The following SMARCD1 variants were observed in gnomAD, a reference collection of about 807,000 sequenced individuals.
SMARCD1 encodes SWI/SNF-related matrix-associated actin-dependent regulator of chromatin subfamily D member 1.
SMARCD1 carries 16 observed loss-of-function variants against 70.8 expected under a neutral mutation model. The observed-to-expected ratio is 0.23, with a 90% confidence interval of 0.15 to 0.34. The LOEUF is 0.34. SMARCD1 is among the 10% of genes least tolerant of loss of function. The probability of loss-of-function intolerance (pLI) is 1.00; values close to 1 mark genes in which losing one functional copy is unlikely to be tolerated. For missense variants in SMARCD1, 409 were observed against 655.5 expected (o/e 0.62, Z 4.11); for synonymous variants, 249 against 246.0 (o/e 1.01, Z -0.11).
rs570526816 is a variant in SMARCD1 at position 50,085,661 on chromosome 12, C to T, written c.177+115C>T. 43 of 78,636 alleles carry T rather than the reference C, an allele frequency of 5.5e-4. No individual in the cohort carries two copies. In the East Asian group the frequency reaches 0.012, roughly 21 times the overall value. 4.9% of individuals were successfully genotyped at this position (78,636 alleles called of 1,614,324 possible). A position where few individuals can be genotyped will look rare whatever the true frequency, so the allele number is the denominator to read the frequency against. On this transcript the variant is annotated intron_variant, in intron 1 of 12. Transcript: ENST00000394963. ...GACTCCCTTGGGAGGGGTTCGGGCT[C>T]TGGGTGGGGGTTGGGGGAGGCAGTG...
Position 50,099,189 on chromosome 12 carries a change from AC to A in SMARCD1, c.*194del. 1.6e-6 allele frequency: 1 copy of A among 625,164 alleles called. No individual in the cohort carries two copies. Among genetic ancestry groups the A allele is most frequent in the Non-Finnish European group, 2.8e-6 (1 of 351,586 alleles). The allele number at this position is 625,164 out of a possible 1,614,324, so 38.7% of individuals were successfully genotyped here. ...CTCTTCTTTCACCCTATCTCTTCCCACCCCCAGCTTCCCTTTGCCCCACAAA... is the reference window on the plus strand; with the variant it reads ...CTCTTCTTTCACCCTATCTCTTCCCACCCCAGCTTCCCTTTGCCCCACAAA... On this transcript the variant is annotated 3_prime_UTR_variant, in exon 13 of 13. Coordinates refer to ENST00000394963, the MANE Select transcript of SMARCD1 (RefSeq NM_003076.5).
At position 50,089,968 on chromosome 12, in the gene SMARCD1, C is replaced by T; in HGVS notation, c.856C>T (p.Leu286=). Residue 286 remains leucine, a synonymous_variant, in exon 7 of 13, where the codon CTG becomes TTG. Coordinates refer to ENST00000394963, the MANE Select transcript of SMARCD1 (RefSeq NM_003076.5). ...CGTGAATGTACGGTGTACTGTCCTA[C>T]TGATGCTGGATTACCAGGTATTCTG... ...GDVNVRCTVL[L]MLDYQPPQFK... 6.2e-7 allele frequency: 1 copy of T among 1,613,896 alleles called. No homozygotes were observed. The highest frequency in any genetic ancestry group is 1.1e-5 in the South Asian group (1 of 91,074).
chr12:50,097,193 CA>C (rs1950899919), intron 11 of SMARCD1, among the ~76,000 whole-genome samples: 1 of 152,238 alleles, frequency 6.6e-6, no homozygotes, highest in Non-Finnish European at 1.5e-5. Context: ...TTCATCTTGT[CA>C]GGGATACAGA....
At chr12:50,093,548 A>G (rs1386188172) in intron 9 of SMARCD1, among the ~76,000 whole-genome samples, 2 of 152,100 alleles carry the variant, frequency 1.3e-5, no homozygotes. Context: ...CAGTGGTGTA[A>G]TCATGGCTCA....
At chr12:50,085,829 C>T (rs1191522872) in intron 1 of SMARCD1, 3 of 392,374 alleles carry the variant, frequency 7.6e-6, no homozygotes, top group Non-Finnish European at 1.3e-5. Flanking sequence ...TGAGCAGCTC[C>T]AGTGATCAGA....
At position 50,086,290 on chromosome 12, in the gene SMARCD1, C is replaced by T; in HGVS notation, c.307C>T (p.Pro103Ser). 6.2e-7 allele frequency: 1 copy of T among 1,613,516 alleles called. No homozygotes were observed. The highest frequency in any genetic ancestry group is 8.5e-7 in the Non-Finnish European group (1 of 1,179,622). ...AGGGATGGATCAGTCCCGCAAGAGA[C>T]CTGCCCCTCAGCAGATCCAGCAGGT... ...QSGMDQSRKR[P>S]APQQIQQVQQ... Residue 103 changes from proline (P) to serine (S), a missense_variant, in exon 2 of 13, where the codon CCT becomes TCT. By Grantham distance (74) the Pro-to-Ser change is moderately conservative (BLOSUM62 -1). Coordinates refer to ENST00000394963, the MANE Select transcript of SMARCD1 (RefSeq NM_003076.5).
chr12:50,098,847 C>G, intron 12 of SMARCD1, 32 bp downstream of exon 12: 2 of 1,607,860 alleles, frequency 1.2e-6, no homozygotes, highest in Non-Finnish European at 1.7e-6. Flanking sequence ...GGGAAATTGA[C>G]AAAAGGCACG....
chr12:50,086,724 C>G (rs750857971), intron 3 of SMARCD1, 32 bp from the exon 4 acceptor site: 5 of 1,613,900 alleles, frequency 3.1e-6, no homozygotes, highest in East Asian at 2.2e-5. Context: ...AGATGATCAT[C>G]CTAGATTTCA....
chr12:50,085,400 G>A lies in SMARCD1; in HGVS notation c.31G>A (p.Ala11Thr), dbSNP rs777484259. 2 of 1,258,990 alleles carry A rather than the reference G, an allele frequency of 1.6e-6. No homozygotes were observed. The highest frequency in any genetic ancestry group is 7.2e-5 in the Admixed American group (2 of 27,884). The allele number at this position is 1,258,990 out of a possible 1,614,324, so 78.0% of individuals were successfully genotyped here. Reference protein sequence around the residue: MAARAGFQSVAPSGGAGASGG... With the variant: MAARAGFQSVTPSGGAGASGG... ...GGCCCGGGCGGGTTTCCAGTCTGTGGCTCCAAGCGGCGGCGCCGGAGCCTC... is the reference window on the plus strand; with the variant it reads ...GGCCCGGGCGGGTTTCCAGTCTGTGACTCCAAGCGGCGGCGCCGGAGCCTC... The change falls in exon 1 of 13, where the codon GCT (alanine) becomes ACT (threonine). Residue 11 changes from alanine to threonine, a missense_variant. Ala to Thr is a moderately conservative substitution (Grantham distance 58). This residue lies in a region of SMARCD1 where 140 missense variants were observed against 156.9 expected (regional missense o/e 0.89). Transcript: ENST00000394963.
At position 50,099,503 on chromosome 12, in the gene SMARCD1, C is replaced by G. The variant is rs1363534296; in HGVS notation, c.*503C>G. 1.2e-5 allele frequency: 5 copies of G among 403,308 alleles called. No homozygotes were observed. The highest frequency in any genetic ancestry group is 2.2e-5 in the Non-Finnish European group (5 of 228,782). The allele number at this position is 403,308 out of a possible 1,614,324, so 25.0% of individuals were successfully genotyped here. On this transcript the variant is annotated 3_prime_UTR_variant, in exon 13 of 13. Coordinates refer to ENST00000394963, the MANE Select transcript of SMARCD1 (RefSeq NM_003076.5). ...CCTCCACAGGTTTGGAACAAACTCTCCCTTCACTTGTTGCCCTGTAGCACT... is the reference window on the plus strand; with the variant it reads ...CCTCCACAGGTTTGGAACAAACTCTGCCTTCACTTGTTGCCCTGTAGCACT...
intron 9 of SMARCD1, among the ~76,000 whole-genome samples, chr12:50,090,901 T>C (rs1324710276): frequency 7.5e-5 from 10 of 132,706 alleles, no homozygotes; most frequent in African/African-American, 1.1e-4. Flanking sequence ...CTCGGCTCAC[T>C]GCAAGCTCCG....
chr12:50,088,556 G>C lies in SMARCD1; in HGVS notation c.690G>C (p.Lys230Asn). 1 of 1,608,744 alleles carries C rather than the reference G, an allele frequency of 6.2e-7. No homozygotes were observed. Among genetic ancestry groups the C allele is most frequent in the Non-Finnish European group, 8.5e-7 (1 of 1,176,544 alleles). The stretch of plus-strand genomic sequence containing the variant: ...CCAAATATGATGCCACTAAACAAAA[G>C]AGGAAGTTCTCTTCCTTTTTTAAGT... The part of the protein sequence containing the change: ...ALSKYDATKQ[K>N]RKFSSFFKSL... The change falls in exon 6 of 13, where the codon AAG becomes AAC. Residue 230 changes from lysine (K) to asparagine (N), a missense_variant. Lys to Asn is a moderately conservative substitution (Grantham distance 94). This residue lies in a region of SMARCD1 where 269 missense variants were observed against 498.6 expected (regional missense o/e 0.54). Coordinates refer to ENST00000394963, the MANE Select transcript of SMARCD1 (RefSeq NM_003076.5).
Position 50,087,400 on chromosome 12 carries a change from T to C in SMARCD1, c.569T>C (p.Phe190Ser), listed in dbSNP as rs767607029. The C allele has an allele frequency of 1.2e-5, 20 of 1,614,002 alleles. No individual in the cohort carries two copies. The highest frequency in any genetic ancestry group is 6.7e-5 in the Admixed American group (4 of 60,000). The part of the protein sequence containing the change: ...RKLRIFISNT[F>S]NPAKSDAEDG... ...CTGCGAATTTTCATTTCTAACACTT[T>C]CAATCCGGCTAAGTCAGATGCCGAG... Residue 190 changes from phenylalanine to serine, a missense_variant, in exon 5 of 13, where the codon TTC (phenylalanine) becomes TCC (serine). Around this residue, in one of 2 missense-constraint regions of SMARCD1, gnomAD observed 269 missense variants for 498.6 expected, o/e 0.54. Transcript: ENST00000394963.
rs1044551013 is a variant in SMARCD1 at position 50,092,685 on chromosome 12, T to C, written c.1134-1752T>C. Among the ~76,000 whole-genome samples the C allele has an allele frequency of 3.9e-5, 6 of 152,184 alleles. No individual in the cohort carries two copies. The East Asian group carries it at 9.6e-4, about 24-fold the overall frequency. On this transcript the variant is annotated intron_variant, in intron 9 of 12. Coordinates refer to ENST00000394963, the MANE Select transcript of SMARCD1 (RefSeq NM_003076.5). ...TTGGTCTGTCCTATATTCCTATGCT[T>C]AAAGTTAGACCACTTTTAATTTTGT...
intron 10 of SMARCD1, among the ~76,000 whole-genome samples, chr12:50,095,889 C>G (rs141715538): frequency 7.1e-4 from 108 of 152,274 alleles, no homozygotes; most frequent in African/African-American, 2.3e-3. Context: ...ACCTTTGATT[C>G]AGGGAAAACT....
rs542487818 is a variant in SMARCD1 at position 50,099,080 on chromosome 12, G to C, written c.*80G>C. On this transcript the variant is annotated 3_prime_UTR_variant, in exon 13 of 13. Coordinates refer to ENST00000394963, the MANE Select transcript of SMARCD1 (RefSeq NM_003076.5). ...CTGCCTGCCTCATAGTATCTGCCTT[G>C]GTCTTGCTTGGGGCGTTCCAGGGGA... The C allele has an allele frequency of 3.6e-6, 5 of 1,394,592 alleles. No individual in the cohort carries two copies. The African/African-American group carries it at 7.1e-5, about 20-fold the overall frequency. 86.4% of individuals were successfully genotyped at this position (1,394,592 alleles called of 1,614,324 possible).
intron 9 of SMARCD1, among the ~76,000 whole-genome samples, chr12:50,092,442 T>G (rs1324239886): frequency 6.6e-6 from 1 of 151,164 alleles, no homozygotes; most frequent in South Asian, 2.1e-4. Context: ...CAGGATGGTC[T>G]CGATCTCTTG....
In SMARCD1 at chr12:50,094,579, G is replaced by C; in HGVS notation, c.1269+7G>C. On this transcript the variant is annotated splice_region_variant and intron_variant, in intron 10 of 12. Coordinates refer to ENST00000394963, the MANE Select transcript of SMARCD1 (RefSeq NM_003076.5). ...TGCTACTCTAGACAACAAGGTAGGG[G>C]TCTGTGCCCTGGATAGTTGGGTACC... 1 of 1,613,642 alleles carries C rather than the reference G, an allele frequency of 6.2e-7. No individual in the cohort carries two copies. The highest frequency in any genetic ancestry group is 8.5e-7 in the Non-Finnish European group (1 of 1,179,842).
chr12:50,085,959 A>T, intron 1 of SMARCD1: 1 of 415,178 alleles, frequency 2.4e-6, no homozygotes, highest in Non-Finnish European at 4.2e-6. Context: ...TGAGAATTTG[A>T]GTATAATCTG....
Sources: allele counts gnomAD v4.1 joint callset (sites outside exome capture counted in the v4.1 genomes callset), GRCh38; gene constraint gnomAD v4.1.1; regional missense constraint gnomAD v4.1.1; transcripts MANE v1.5; gene names NCBI Gene and HGNC (gene_info 2026-07-23, HGNC 2026-07-21).